Variants in NPAS2 observed in about 807,000 individuals in gnomAD.
NPAS2 encodes neuronal PAS domain protein 2, also known as neuronal PAS domain-containing protein 2.
A neutral mutation model predicts 107.5 loss-of-function variants in NPAS2; 23 were observed. The ratio of observed to expected loss-of-function variants is 0.21; its 90% CI spans 0.15 to 0.30. The LOEUF is 0.30. Among genes scored for constraint, NPAS2 ranks in the 10% least tolerant of loss-of-function variants. The pLI, the probability that NPAS2 is intolerant of heterozygous loss-of-function variation, is 1.00. For missense variants in NPAS2, 756 were observed against 1,043.3 expected, an observed-to-expected ratio of 0.72 and a Z score of 3.79; for synonymous variants, 403 against 417.5, an observed-to-expected ratio of 0.97 and a Z score of 0.42.
At chr2:100,901,484 T>C (rs1255797247) in intron 1 of NPAS2, 1 of 984,292 alleles carries the variant, frequency 1.0e-6, no homozygotes, top group East Asian at 1.1e-4. Flanking sequence ...AACCCAGAAC[T>C]GGAAGAGCCC....
At chr2:100,920,577 C>A (rs1683157732) in intron 2 of NPAS2, among the ~76,000 whole-genome samples, 1 of 152,174 alleles carries the variant, frequency 6.6e-6, no homozygotes, top group Non-Finnish European at 1.5e-5. Flanking sequence ...ATGTGGCCCA[C>A]AATCCCCATA....
chr2:100,823,830 CCAGG>C (rs1223773054), intron 1 of NPAS2: 2 of 152,090 alleles, frequency 1.3e-5, no homozygotes, highest in Non-Finnish European at 2.9e-5. Context: ...AGAAAGGGGC[CCAGG>C]AAAGGAGAGT....
chr2:100,821,242 T>C, intron 1 of NPAS2: 1 of 1,288,798 alleles, frequency 7.8e-7, no homozygotes, highest in Non-Finnish European at 1.0e-6. Flanking sequence ...AAATAATTAG[T>C]AACTAGTTTT....
intron 3 of NPAS2, 90 bp downstream of exon 3, chr2:100,925,384 G>C: frequency 7.0e-7 from 1 of 1,425,640 alleles, no homozygotes; most frequent in Non-Finnish European, 9.7e-7. Flanking sequence ...GGTTGGTTTT[G>C]TCTCCCCAGC....
chr2:100,875,481 C>A (rs1679902084), intron 1 of NPAS2, among the ~76,000 whole-genome samples: 1 of 146,432 alleles, frequency 6.8e-6, no homozygotes, highest in Non-Finnish European at 1.5e-5. Flanking sequence ...CACACACACA[C>A]ACACACACAC....
At chr2:100,838,763 A>C (rs1677218397) in intron 1 of NPAS2, among the ~76,000 whole-genome samples, 1 of 152,172 alleles carries the variant, frequency 6.6e-6, no homozygotes, top group Non-Finnish European at 1.5e-5. Flanking sequence ...GGAGGAGATA[A>C]TGAGGGTGAA....
intron 1 of NPAS2, among the ~76,000 whole-genome samples, chr2:100,853,961 C>T (rs1449736018): frequency 7.4e-6 from 1 of 135,912 alleles, no homozygotes; most frequent in Non-Finnish European, 1.6e-5. Context: ...AGGAAGATGG[C>T]TTCAGCCCAC....
Position 100,995,442 on chromosome 2 carries a change from C to A in NPAS2, c.2335C>A (p.Leu779Ile). The change falls in exon 21 of 21, where the codon CTA (leucine) becomes ATA (isoleucine). Residue 779 changes from leucine to isoleucine, a missense_variant. Physicochemically the swap from Leu to Ile is conservative, Grantham distance 5. This residue lies in a region of NPAS2 where 496 missense variants were observed against 594.4 expected (regional missense o/e 0.83). Transcript: ENST00000335681. Reference sequence around the variant, plus strand: ...TTTGCACAGTGAGCAGCAGGACTCGCTACTTCTCTCCACCTACTCACAACA... The same window carrying A: ...TTTGCACAGTGAGCAGCAGGACTCGATACTTCTCTCCACCTACTCACAACA... The part of the protein sequence containing the change: ...TSLHSEQQDS[L>I]LLSTYSQQPG... 6.2e-7 allele frequency: 1 copy of A among 1,614,010 alleles called. No individual in the cohort carries two copies. The highest frequency in any genetic ancestry group is 8.5e-7 in the Non-Finnish European group (1 of 1,179,956).
chr2:100,934,354 A>G (rs540324883), intron 4 of NPAS2, among the ~76,000 whole-genome samples: 1 of 150,872 alleles, frequency 6.6e-6, no homozygotes, highest in Admixed American at 6.6e-5. Context: ...TATCAAAAGT[A>G]TTTGAGGAAA....
chr2:100,889,540 T>C (rs17024926), intron 1 of NPAS2, among the ~76,000 whole-genome samples: 51,366 of 152,128 alleles, frequency 0.34, 9,042 homozygotes, highest in East Asian at 0.56. Flanking sequence ...AGTTTTGTTC[T>C]TGTGTATTTG....
intron 7 of NPAS2, among the ~76,000 whole-genome samples, chr2:100,959,685 G>C (rs533297725): frequency 6.6e-6 from 1 of 152,316 alleles, no homozygotes; most frequent in Non-Finnish European, 1.5e-5. Context: ...CCTCATCACT[G>C]ATAGTTTCAT....
chr2:100,886,130 A>G (rs1275356529), intron 1 of NPAS2, among the ~76,000 whole-genome samples: 1 of 152,254 alleles, frequency 6.6e-6, no homozygotes, highest in East Asian at 1.9e-4. Context: ...TACTTTGTTA[A>G]GCACACTAAT....
At chr2:100,966,398 G>C (rs1676215091) in intron 10 of NPAS2, among the ~76,000 whole-genome samples, 1 of 152,082 alleles carries the variant, frequency 6.6e-6, no homozygotes, top group Admixed American at 6.5e-5. Flanking sequence ...CGATGTGGGG[G>C]AGTGAGAATT....
At chr2:100,928,368 A>G (rs1683711695) in intron 3 of NPAS2, among the ~76,000 whole-genome samples, 1 of 150,836 alleles carries the variant, frequency 6.6e-6, no homozygotes, top group Non-Finnish European at 1.5e-5. Context: ...TGTGCAAATT[A>G]CTCAAACTAG....
intron 1 of NPAS2, among the ~76,000 whole-genome samples, chr2:100,895,518 A>C (rs1681354805): frequency 6.6e-6 from 1 of 152,168 alleles, no homozygotes; most frequent in Non-Finnish European, 1.5e-5. Flanking sequence ...TGGATGCTGG[A>C]CCCAGGAACT....
chr2:100,991,382 G>A (rs953517913), intron 19 of NPAS2, among the ~76,000 whole-genome samples: 6 of 152,208 alleles, frequency 3.9e-5, no homozygotes, highest in East Asian at 1.9e-4. Flanking sequence ...TAGGGACAAC[G>A]GTTACTGGAG....
chr2:100,954,664 C>CAAAAAAAAAAAAAAAAAAA (rs1194534141), intron 7 of NPAS2, among the ~76,000 whole-genome samples: 13 of 81,316 alleles, frequency 1.6e-4, no homozygotes, highest in Non-Finnish European at 2.9e-4. Flanking sequence ...AACTGTGTCT[C>CAAAAAAAAAAAAAAAAAAA]AAAAAAAAAA....
upstream of NPAS2, chr2:100,820,031 G>GGGAGGA (rs957901716): frequency 6.6e-6 from 1 of 151,308 alleles, no homozygotes; most frequent in Non-Finnish European, 1.5e-5. This position sits in a 1 kb window ranked among gnomAD's most constrained non-coding sequence, Gnocchi z 5.6. Context: ...GGCAGGCGAG[G>GGGAGGA]GGAGGAGGAG....
chr2:100,860,252 G>A (rs1678854875), intron 1 of NPAS2, among the ~76,000 whole-genome samples: 1 of 152,090 alleles, frequency 6.6e-6, no homozygotes, highest in Non-Finnish European at 1.5e-5. Context: ...CCTCAGTTGG[G>A]GTTTGTCTTA....
Sources: gnomAD v4.1 joint callset for allele counts (sites outside exome capture counted in the v4.1 genomes callset) on GRCh38, gnomAD v4.1.1 for gene constraint, gnomAD v4.1.1 regional missense constraint, Gnocchi (gnomAD v3.1) non-coding constraint, MANE v1.5 for transcripts, NCBI Gene and HGNC (gene_info 2026-07-23, HGNC 2026-07-21) for gene names.